The following JMJD8 variants were observed in gnomAD, a reference collection of about 807,000 sequenced individuals.
JMJD8 encodes jumonji domain containing 8.
JMJD8 carries 56 observed loss-of-function variants against 37.6 expected under a neutral mutation model. The observed-to-expected ratio is 1.49, with a 90% CI of 1.20 to 1.86. The LOEUF is 1.86. Ranked by LOEUF, JMJD8 falls within the 40% of genes most tolerant of loss-of-function variation. The probability of loss-of-function intolerance (pLI) is 0.00; values close to 1 mark genes in which losing one functional copy is unlikely to be tolerated. For synonymous variants in JMJD8, 261 were observed against 163.7 expected, an observed-to-expected ratio of 1.59 and a Z score of -4.54; for missense variants, 542 against 362.7, an observed-to-expected ratio of 1.49 and a Z score of -4.01.
rs2039770724 is a variant in JMJD8, at chr16:683,329, TC to T, written c.503del (p.Gly168GlufsTer21). ...GTCCCAAGAAGCACCCACCTGCGAT[TC>T]CAAAGCTGTAAGCTGGAGCGGTTCC... ...LLGTAPAYSF[G>X]IAGAGSGVPF... On this transcript the variant is annotated frameshift_variant, in exon 6 of 9. Coordinates refer to ENST00000609261, the MANE Select transcript of JMJD8 (RefSeq NM_001005920.4). LOFTEE classifies it high-confidence loss of function. 1 of 1,589,336 alleles carries T rather than the reference TC, an allele frequency of 6.3e-7. No individual in the cohort carries two copies. The highest frequency in any genetic ancestry group is 8.6e-7 in the Non-Finnish European group (1 of 1,167,702).
intron 2 of JMJD8, 36 bp from the exon 3 acceptor site, chr16:683,945 C>T: frequency 6.4e-7 from 1 of 1,558,914 alleles, no homozygotes; most frequent in Non-Finnish European, 8.6e-7. Flanking sequence ...CAGGCCGGAC[C>T]GCCAGCCTCG....
chr16:681,739 G>A lies in JMJD8; in HGVS notation c.*1055C>T, dbSNP rs551640084. The A allele has an allele frequency of 1.3e-6, 2 of 1,553,988 alleles. No homozygotes were observed. Among genetic ancestry groups the A allele is most frequent in the East Asian group, 2.3e-5 (1 of 44,166 alleles). On this transcript the variant is annotated 3_prime_UTR_variant, in exon 9 of 9. Coordinates refer to ENST00000609261, the MANE Select transcript of JMJD8 (RefSeq NM_001005920.4). ...TGGATGTTAGCTCTGAGATTGGGGTGTGGTCAGACATCTGGCCAGGTCCAT... is the reference window on the plus strand; with the variant it reads ...TGGATGTTAGCTCTGAGATTGGGGTATGGTCAGACATCTGGCCAGGTCCAT...
rs764534080 is a variant in JMJD8 at position 681,803 on chromosome 16, G to A, written c.*991C>T. The A allele has an allele frequency of 4.4e-6, 7 of 1,600,034 alleles. No individual in the cohort carries two copies. Among genetic ancestry groups the A allele is most frequent in the East Asian group, 4.5e-5 (2 of 44,562 alleles). On this transcript the variant is annotated 3_prime_UTR_variant, in exon 9 of 9. Transcript: ENST00000609261. ...CTGGTCAACCCCCAGGGAGCTGGAA[G>A]AGTGCCAGCGAAACCACGAGGGTGA...
rs1732133553 is a variant in JMJD8 at position 682,364 on chromosome 16, CGT to C, written c.*428_*429del. 6.2e-7 allele frequency: 1 copy of C among 1,613,178 alleles called. No homozygotes were observed. The highest frequency in any genetic ancestry group is 8.5e-7 in the Non-Finnish European group (1 of 1,179,996). ...CCCTCTGCCCTTCTTGTCACTGCAG[CGT>C]GTGGGTCATTTTGACCCCGTGACCC... is the stretch of plus-strand genomic sequence containing the variant. On this transcript the variant is annotated 3_prime_UTR_variant, in exon 9 of 9. Coordinates refer to ENST00000609261, the MANE Select transcript of JMJD8 (RefSeq NM_001005920.4).
rs747489790 is a variant in JMJD8 at position 682,082 on chromosome 16, T to C, written c.*712A>G. The C allele has an allele frequency of 2.5e-6, 4 of 1,580,596 alleles. No individual in the cohort carries two copies. Among genetic ancestry groups the C allele is most frequent in the Non-Finnish European group, 3.5e-6 (4 of 1,157,250 alleles). Reference sequence around the variant, plus strand: ...AGGTGGATGAGAAGAGGAAGGTGAGTGTGTGTCGCTTGCTGCCGATGGCTG... The same window carrying C: ...AGGTGGATGAGAAGAGGAAGGTGAGCGTGTGTCGCTTGCTGCCGATGGCTG... On this transcript the variant is annotated 3_prime_UTR_variant, in exon 9 of 9. Coordinates refer to ENST00000609261, the MANE Select transcript of JMJD8 (RefSeq NM_001005920.4).
At chr16:683,635 G>A in intron 4 of JMJD8, 37 bp from the exon 5 acceptor site, 2 of 1,576,654 alleles carry the variant, frequency 1.3e-6, no homozygotes, top group Non-Finnish European at 1.7e-6. Context: ...GTCTGGTCCA[G>A]CCGCCCCGGT....
chr16:684,301 A>G lies in JMJD8; in HGVS notation c.19T>C (p.Leu7=). The change falls in exon 1 of 9, where the codon TTG becomes CTG. Residue 7 remains leucine (L), a synonymous_variant. Transcript: ENST00000609261. The part of the protein sequence containing the change: MAPASR[L]LALWALAAVA... ...GCCGCCAGCGCCCAGAGCGCGAGCA[A>G]CCGCGACGCCGGCGCCATGAGCCTG... 16 of 1,480,128 alleles carry G rather than the reference A, an allele frequency of 1.1e-5. No individual in the cohort carries two copies. The highest frequency in any genetic ancestry group is 1.3e-5 in the Non-Finnish European group (15 of 1,123,350). The allele number at this position is 1,480,128 out of a possible 1,614,324, so 91.7% of individuals were successfully genotyped here. A position where few individuals can be genotyped will look rare whatever the true frequency, so the allele number is the denominator to read the frequency against.
Position 681,898 on chromosome 16 carries a change from C to G in JMJD8, c.*896G>C. On this transcript the variant is annotated 3_prime_UTR_variant, in exon 9 of 9. Transcript: ENST00000609261. ...CCAAGCACGTGAGGGTGCCCCCCAC[C>G]CACATGTGGGTCTGTGTGTGTGCAC... The G allele has an allele frequency of 1.2e-6, 2 of 1,612,948 alleles. No homozygotes were observed. The highest frequency in any genetic ancestry group is 2.2e-5 in the East Asian group (1 of 44,878).
Position 683,362 on chromosome 16 carries a change from G to A in JMJD8, c.471C>T (p.Gly157=), listed in dbSNP as rs371449426. 1.0e-5 allele frequency: 16 copies of A among 1,562,112 alleles called. No individual in the cohort carries two copies. In the African/African-American group the frequency reaches 1.9e-4, roughly 19 times the overall value. Residue 157 remains glycine (G), a synonymous_variant, in exon 6 of 9, where the codon GGC becomes GGT. Coordinates refer to ENST00000609261, the MANE Select transcript of JMJD8 (RefSeq NM_001005920.4). ...LFRHYSPPPF[G]LLGTAPAYSF... is the part of the protein sequence containing the mutation. ...TGTAAGCTGGAGCGGTTCCCAGCAG[G>A]CCAAATGGGGGTGGGGAGTAGTGCC...
Position 682,955 on chromosome 16 carries a change from C to T in JMJD8, c.712G>A (p.Glu238Lys). Residue 238 changes from glutamate (E) to lysine (K), a missense_variant and splice_region_variant, in exon 8 of 9, where the codon GAG becomes AAG. By Grantham distance (56) the Glu-to-Lys change is moderately conservative. Coordinates refer to ENST00000609261, the MANE Select transcript of JMJD8 (RefSeq NM_001005920.4). ...RPLECTIRAG[E>K]VLYFPDRWWH... ...GCCCTCTCCTGCCAGCCACTGACCT[C>T]ACCAGCCCGGATGGTACACTCCAGG... is the stretch of plus-strand genomic sequence containing the variant. 1 of 1,612,478 alleles carries T rather than the reference C, an allele frequency of 6.2e-7. No individual in the cohort carries two copies. The highest frequency in any genetic ancestry group is 1.3e-5 in the African/African-American group (1 of 75,044).
At position 683,094 on chromosome 16, in the gene JMJD8, G is replaced by A. The variant is rs376631986; in HGVS notation, c.580-7C>T. ...GTGGGTAAAGGAACCAGCGCTGGGGGCATGAGCAGCAGTGTCACCCTTGCC... is the reference window on the plus strand; with the variant it reads ...GTGGGTAAAGGAACCAGCGCTGGGGACATGAGCAGCAGTGTCACCCTTGCC... On this transcript the variant is annotated splice_region_variant and splice_polypyrimidine_tract_variant and intron_variant, in intron 7 of 8. Transcript: ENST00000609261. 6.1e-5 allele frequency: 98 copies of A among 1,613,472 alleles called. No individual in the cohort carries two copies. The highest frequency in any genetic ancestry group is 1.5e-4 in the Admixed American group (9 of 60,006).
chr16:682,632 C>T lies in JMJD8; in HGVS notation c.*162G>A. On this transcript the variant is annotated 3_prime_UTR_variant, in exon 9 of 9. Coordinates refer to ENST00000609261, the MANE Select transcript of JMJD8 (RefSeq NM_001005920.4). ...GACTCTGGACTGTTTCCCCTCTCAG[C>T]ATCGCTTTTGCTGGGCCGTGATCGT... is the stretch of plus-strand genomic sequence containing the variant. The T allele has an allele frequency of 7.0e-7, 1 of 1,436,700 alleles. No individual in the cohort carries two copies. The highest frequency in any genetic ancestry group is 9.5e-7 in the Non-Finnish European group (1 of 1,052,030). 89.0% of individuals were successfully genotyped at this position (1,436,700 alleles called of 1,614,324 possible). A position where few individuals can be genotyped will look rare whatever the true frequency, so the allele number is the denominator to read the frequency against.
rs781370598 is a variant in JMJD8, at chr16:683,199, G to A, written c.547C>T (p.Pro183Ser). ...GSGVPFHWHG[P>S]GYSEVIYGRK... ...CCGTAGATCACTTCTGAGTACCCGG[G>A]TCCATGCCAGTGGAAGGGCACCCCC... The change falls in exon 7 of 9, where the codon CCC (proline) becomes TCC (serine). Residue 183 changes from proline (P) to serine (S), a missense_variant. Transcript: ENST00000609261. 7 of 1,613,124 alleles carry A rather than the reference G, an allele frequency of 4.3e-6. No individual in the cohort carries two copies. The African/African-American group carries it at 5.3e-5, about 12-fold the overall frequency.
At position 683,877 on chromosome 16, in the gene JMJD8, C is replaced by G. The variant is rs535691433; in HGVS notation, c.209G>C (p.Gly70Ala). The change falls in exon 3 of 9, where the codon GGA becomes GCA. Residue 70 changes from glycine to alanine, a missense_variant. Gly to Ala is a moderately conservative substitution (Grantham distance 60, BLOSUM62 0). Transcript: ENST00000609261. Reference protein sequence around the residue: ...YAFVRPVILQGLTDNSRFRAL... With the variant: ...YAFVRPVILQALTDNSRFRAL... ...CGCGCTCACCGAGTTGTCCGTGAGT[C>G]CCTGCAGGATGACGGGCCTGACGAA... The G allele has an allele frequency of 1.1e-5, 18 of 1,585,806 alleles. No individual in the cohort carries two copies. The Admixed American group carries it at 2.3e-4, about 20-fold the overall frequency.
Position 681,948 on chromosome 16 carries a change from G to C in JMJD8, c.*846C>G. 1 of 1,612,742 alleles carries C rather than the reference G, an allele frequency of 6.2e-7. No homozygotes were observed. The highest frequency in any genetic ancestry group is 8.5e-7 in the Non-Finnish European group (1 of 1,179,336). ...CGTGGCGTGGGAGCATCCCCGCCTT[G>C]TGTTGGGTCTGTGCCCCATGGAGGA... On this transcript the variant is annotated 3_prime_UTR_variant, in exon 9 of 9. Transcript: ENST00000609261.
chr16:682,975 T>G lies in JMJD8; in HGVS notation c.692A>C (p.Glu231Ala). The change falls in exon 8 of 9, where the codon GAG becomes GCG. Residue 231 changes from glutamate to alanine, a missense_variant. Glu to Ala is a moderately radical substitution (Grantham distance 107). Coordinates refer to ENST00000609261, the MANE Select transcript of JMJD8 (RefSeq NM_001005920.4). ...GACCTCACCAGCCCGGATGGTACAC[T>G]CCAGGGGCCGTGCAGACGGTGGCAG... ...PALPPSARPL[E>A]CTIRAGEVLY... 6.2e-7 allele frequency: 1 copy of G among 1,613,136 alleles called. No homozygotes were observed. Among genetic ancestry groups the G allele is most frequent in the South Asian group, 1.1e-5 (1 of 91,064 alleles).
In JMJD8 at chr16:683,356, C is replaced by T. The variant is rs753797656; in HGVS notation, c.477G>A (p.Leu159=). 3.2e-6 allele frequency: 5 copies of T among 1,565,878 alleles called. No homozygotes were observed. Among genetic ancestry groups the T allele is most frequent in the Non-Finnish European group, 4.3e-6 (5 of 1,154,868 alleles). The change falls in exon 6 of 9, where the codon CTG becomes CTA. Residue 159 remains leucine, a synonymous_variant. Coordinates refer to ENST00000609261, the MANE Select transcript of JMJD8 (RefSeq NM_001005920.4). ...RHYSPPPFGL[L]GTAPAYSFGI... ...CAAAGCTGTAAGCTGGAGCGGTTCC[C>T]AGCAGGCCAAATGGGGGTGGGGAGT...
chr16:683,007 G>GT lies in JMJD8; in HGVS notation c.659dup (p.Tyr220Ter). The GT allele has an allele frequency of 6.2e-7, 1 of 1,613,478 alleles. No individual in the cohort carries two copies. Among genetic ancestry groups the GT allele is most frequent in the African/African-American group, 1.3e-5 (1 of 75,068 alleles). ...KTTLAWLRDT[Y>*]PALPPSARPL... ...GCCGTGCAGACGGTGGCAGGGCTGG[G>GT]TATGTGTCCCGGAGCCAGGCCAGCG... Residue 220 changes from tyrosine (Y) to a stop codon, truncating the protein, a stop_gained and frameshift_variant, in exon 8 of 9, where the codon TAC (tyrosine) becomes TAAC (stop). Coordinates refer to ENST00000609261, the MANE Select transcript of JMJD8 (RefSeq NM_001005920.4). LOFTEE classifies it high-confidence loss of function.
Position 683,396 on chromosome 16 carries a change from G to A in JMJD8, c.437C>T (p.Ser146Phe). Residue 146 changes from serine (S) to phenylalanine (F), a missense_variant, in exon 6 of 9, where the codon TCT (serine) becomes TTT (phenylalanine). Transcript: ENST00000609261. ...FGDNNFTEWA[S>F]LFRHYSPPPF... ...GGGTGGGGAGTAGTGCCGAAAGAGA[G>A]AGGCCCACTCGGTGAAGTTGTTGTC... 6.4e-7 allele frequency: 1 copy of A among 1,554,602 alleles called. No individual in the cohort carries two copies. Among genetic ancestry groups the A allele is most frequent in the African/African-American group, 1.4e-5 (1 of 73,290 alleles).
Sources: allele counts gnomAD v4.1 joint callset, GRCh38; gene constraint gnomAD v4.1.1; transcripts MANE v1.5; gene names NCBI Gene and HGNC (gene_info 2026-07-23, HGNC 2026-07-21).